Variants in IGFL2 observed in about 807,000 individuals in gnomAD.
The protein encoded by IGFL2 is insulin growth factor-like family member 2.
IGFL2 carries 7 observed loss-of-function variants against 13.9 expected under a neutral mutation model. That is an observed-to-expected ratio of 0.51 (90% confidence interval 0.29 to 0.95). IGFL2 has a LOEUF of 0.95. IGFL2 is among the 40% of genes least tolerant of loss of function. The pLI is 0.08. For synonymous variants in IGFL2, 55 were observed against 55.8 expected, an observed-to-expected ratio of 0.99 and a Z score of 0.07; for missense variants, 138 against 147.8, an observed-to-expected ratio of 0.93 and a Z score of 0.34.
intron 1 of IGFL2, among the ~76,000 whole-genome samples, chr19:46,157,053 A>T (rs1021066583): frequency 1.1e-4 from 16 of 152,222 alleles, no homozygotes; most frequent in African/African-American, 3.9e-4. Context: ...TTAAAAGCAC[A>T]AATGATCACA....
At chr19:46,141,465 G>A (rs1972855142), upstream of IGFL2, among the ~76,000 whole-genome samples, 1 of 152,106 alleles carries the variant, frequency 6.6e-6, no homozygotes, top group East Asian at 1.9e-4. Flanking sequence ...ATTATTGAAC[G>A]ACTCCCCACC....
the IGFL2 span, chr19:46,203,982 G>C: frequency 6.6e-6 from 1 of 152,192 alleles, no homozygotes; most frequent in African/African-American, 2.4e-5. Flanking sequence ...CTCCCAAAGT[G>C]CTAGGATTAC....
rs543010787 is a variant in IGFL2, at chr19:46,154,593, A to G, written c.20-5822A>G. 8.5e-4 allele frequency among the ~76,000 whole-genome samples: 128 copies of G among 150,230 alleles called. 2 individuals carry two copies. The Middle Eastern group carries it at 0.018, about 21-fold the overall frequency. ...CAAGTAGCTGGAACTACAGGCACCC[A>G]CCACCACGCCTGGCTAATTTTTTTG... On this transcript the variant is annotated intron_variant, in intron 1 of 3. Coordinates refer to ENST00000377693, the MANE Select transcript of IGFL2 (RefSeq NM_001135113.2).
At chr19:46,171,522 T>C in the IGFL2 span, among the ~76,000 whole-genome samples, 1 of 152,166 alleles carries the variant, frequency 6.6e-6, no homozygotes, top group African/African-American at 2.4e-5. Flanking sequence ...GAGTATTGTG[T>C]CTTATTTTTC....
the IGFL2 span, chr19:46,203,491 G>A: frequency 2.0e-5 from 3 of 152,304 alleles, no homozygotes; most frequent in Non-Finnish European, 4.4e-5. Flanking sequence ...TGCTGCTGCT[G>A]TAGAGCATTT....
chr19:46,084,945 C>A, the IGFL2 span, among the ~76,000 whole-genome samples: 4 of 152,068 alleles, frequency 2.6e-5, no homozygotes, highest in Admixed American at 6.6e-5. Context: ...TTACTCATTC[C>A]GGCATCAACT....
chr19:46,191,608 G>A, the IGFL2 span, among the ~76,000 whole-genome samples: 2 of 152,112 alleles, frequency 1.3e-5, no homozygotes, highest in Non-Finnish European at 2.9e-5. Context: ...AACAGGGAGG[G>A]CAAGAGACAT....
chr19:46,129,304 C>CTTTT, the IGFL2 span, among the ~76,000 whole-genome samples: 5 of 118,328 alleles, frequency 4.2e-5, no homozygotes, highest in African/African-American at 1.6e-4. Context: ...ATTTGTTGAT[C>CTTTT]TTTTGTGTGT....
At chr19:46,106,160 G>A in the IGFL2 span, among the ~76,000 whole-genome samples, 2 of 152,142 alleles carry the variant, frequency 1.3e-5, no homozygotes, top group Non-Finnish European at 1.5e-5. Flanking sequence ...AGCAGGGAGA[G>A]CACGTGTGTT....
chr19:46,081,803 G>C, the IGFL2 span, among the ~76,000 whole-genome samples: 1 of 152,166 alleles, frequency 6.6e-6, no homozygotes, highest in East Asian at 1.9e-4. Context: ...CATTGCACTT[G>C]GGAAATTGTT....
chr19:46,100,577 A>C, the IGFL2 span, among the ~76,000 whole-genome samples: 2 of 152,214 alleles, frequency 1.3e-5, no homozygotes, highest in African/African-American at 2.4e-5. Flanking sequence ...GATATGCATT[A>C]GTGTCTGTGG....
the IGFL2 span, among the ~76,000 whole-genome samples, chr19:46,169,839 C>A: frequency 1.3e-5 from 1 of 75,854 alleles, no homozygotes; most frequent in Admixed American, 1.4e-4. Flanking sequence ...CAGAGTGAGA[C>A]TCTGTCTCAA....
At chr19:46,142,619 A>C (rs1374958093), upstream of IGFL2, among the ~76,000 whole-genome samples, 6 of 152,204 alleles carry the variant, frequency 3.9e-5, no homozygotes, top group Non-Finnish European at 5.9e-5. Flanking sequence ...AGACTATTTA[A>C]ATTGGACTTT....
chr19:46,160,567 C>G, intron 2 of IGFL2, 47 bp from the exon 3 acceptor site: 1 of 1,613,474 alleles, frequency 6.2e-7, no homozygotes, highest in Non-Finnish European at 8.5e-7. Flanking sequence ...GATGTAGTGC[C>G]TGGTTATCCT....
At chr19:46,110,037 G>A in the IGFL2 span, among the ~76,000 whole-genome samples, 9 of 152,280 alleles carry the variant, frequency 5.9e-5, no homozygotes, top group Non-Finnish European at 1.0e-4. Context: ...AGACATGTTC[G>A]AGTAAGCCTA....
chr19:46,162,731 GT>G (rs566699541), downstream of IGFL2, among the ~76,000 whole-genome samples: 49 of 152,220 alleles, frequency 3.2e-4, no homozygotes, highest in African/African-American at 1.1e-3. Context: ...CTTGGATTGG[GT>G]TTTGCCATCC....
At chr19:46,201,160 C>T in the IGFL2 span, among the ~76,000 whole-genome samples, 5 of 152,200 alleles carry the variant, frequency 3.3e-5, no homozygotes, top group Admixed American at 6.5e-5. Flanking sequence ...GCAGGCCCCT[C>T]GTGATTGCAC....
intron 1 of IGFL2, among the ~76,000 whole-genome samples, chr19:46,155,130 C>G (rs1357262065): frequency 2.0e-5 from 3 of 152,186 alleles, no homozygotes; most frequent in South Asian, 2.1e-4. Context: ...CAGTGTGCTT[C>G]ACCTGCTAAA....
chr19:46,109,715 A>G, the IGFL2 span, among the ~76,000 whole-genome samples: 1 of 152,112 alleles, frequency 6.6e-6, no homozygotes, highest in African/African-American at 2.4e-5. Flanking sequence ...GGGAGGGTGT[A>G]TCATACAAAG....
Sources: allele counts gnomAD v4.1 joint callset (sites outside exome capture counted in the v4.1 genomes callset), GRCh38; gene constraint gnomAD v4.1.1; transcripts MANE v1.5; gene names NCBI Gene and HGNC (gene_info 2026-07-23, HGNC 2026-07-21).